The following MCC variants were observed in gnomAD, a reference collection of about 807,000 sequenced individuals.
The protein encoded by MCC is colorectal mutant cancer protein.
A neutral mutation model predicts 116.2 loss-of-function variants in MCC; 90 were observed. The ratio of observed to expected loss-of-function variants is 0.77; its 90% CI spans 0.65 to 0.92. MCC has a LOEUF of 0.92. Ranked by LOEUF, MCC falls within the 40% of genes least tolerant of loss-of-function variation. MCC has a pLI of 0.00. For synonymous variants in MCC, 578 were observed against 510.5 expected (o/e 1.13, Z -1.78); for missense variants, 1,516 against 1,312.2 (o/e 1.16, Z -2.40).
intron 1 of MCC, among the ~76,000 whole-genome samples, chr5:113,447,881 G>A (rs1771268546): frequency 6.6e-6 from 1 of 152,132 alleles, no homozygotes. Flanking sequence ...CAAAGGTCCA[G>A]CTGCCTCATT....
At chr5:113,138,525 C>G (rs948169051) in intron 5 of MCC, among the ~76,000 whole-genome samples, 2 of 152,138 alleles carry the variant, frequency 1.3e-5, no homozygotes, top group Non-Finnish European at 2.9e-5. Context: ...ATCTGCAAGC[C>G]AGGAACAGAG....
chr5:113,415,685 C>T (rs1207241091), intron 1 of MCC, among the ~76,000 whole-genome samples: 1 of 152,100 alleles, frequency 6.6e-6, no homozygotes, highest in African/African-American at 2.4e-5. Flanking sequence ...TTTTTCAAGG[C>T]TTTTAGCTTC....
At chr5:113,374,556 T>C (rs888026923) in intron 2 of MCC, among the ~76,000 whole-genome samples, 27 of 152,324 alleles carry the variant, frequency 1.8e-4, no homozygotes, top group African/African-American at 6.3e-4. Context: ...GCCAGAGATT[T>C]CTTTGAAGTC....
intron 17 of MCC, among the ~76,000 whole-genome samples, chr5:113,031,684 C>T (rs1030814260): frequency 1.3e-5 from 2 of 152,150 alleles, no homozygotes; most frequent in African/African-American, 2.4e-5. Context: ...AATCCCCTCC[C>T]TCCCCCACTC....
chr5:113,043,440 C>G, intron 17 of MCC, 90 bp downstream of exon 17: 1 of 1,191,744 alleles, frequency 8.4e-7, no homozygotes, highest in South Asian at 1.3e-5. Context: ...CACATCAGCA[C>G]CTTCTCCTTT....
In MCC at chr5:113,090,034, A is replaced by G. The variant is rs115522027; in HGVS notation, c.1399-4724T>C. Among the ~76,000 whole-genome samples the G allele has an allele frequency of 4.6e-3, 705 of 152,326 alleles. 5 individuals carry two copies. The highest frequency in any genetic ancestry group is 0.016 in the African/African-American group (670 of 41,562). On this transcript the variant is annotated intron_variant, in intron 8 of 18. Transcript: ENST00000408903. ...TCAACAATTAGAGATGTAAGTCTGA[A>G]GGAAAGCAATTAGAACTGGATAGAT...
chr5:113,077,072 A>G (rs567466566), intron 11 of MCC, among the ~76,000 whole-genome samples: 3 of 152,292 alleles, frequency 2.0e-5, no homozygotes, highest in South Asian at 4.1e-4. Context: ...GCCATTACAT[A>G]ATGGTAAAGG....
chr5:113,449,452 T>C (rs1024530706), intron 1 of MCC, among the ~76,000 whole-genome samples: 1 of 152,210 alleles, frequency 6.6e-6, no homozygotes, highest in Non-Finnish European at 1.5e-5. Context: ...AAAGGGTGCA[T>C]TCATTCACTC....
rs1752320270 is a variant in MCC, at chr5:113,049,167, C to G, written c.2581G>C (p.Val861Leu). The G allele has an allele frequency of 6.2e-7, 1 of 1,614,210 alleles. No homozygotes were observed. The highest frequency in any genetic ancestry group is 2.2e-5 in the East Asian group (1 of 44,884). The change falls in exon 16 of 19, where the codon GTG becomes CTG. Residue 861 changes from valine to leucine, a missense_variant. Transcript: ENST00000408903. ...ATCCGCTGCTCCTTCTGCTCCTCCA[C>G]CTCGGACTTCAGGTGCTCAATGTGC... is the stretch of plus-strand genomic sequence containing the variant. The part of the protein sequence containing the change: ...LVHIEHLKSE[V>L]EEQKEQRMRS...
chr5:113,280,944 T>A (rs1766025029), intron 3 of MCC, among the ~76,000 whole-genome samples: 1 of 152,120 alleles, frequency 6.6e-6, no homozygotes, highest in Non-Finnish European at 1.5e-5. Context: ...GCCTAGGGCT[T>A]AGGTTTAGGG....
At position 113,064,017 on chromosome 5, in the gene MCC, G is replaced by A. The variant is rs748327549; in HGVS notation, c.2180C>T (p.Pro727Leu). The A allele has an allele frequency of 1.2e-6, 2 of 1,613,782 alleles. No individual in the cohort carries two copies. Among genetic ancestry groups the A allele is most frequent in the East Asian group, 2.2e-5 (1 of 44,880 alleles). Residue 727 changes from proline to leucine, a missense_variant, in exon 14 of 19, where the codon CCC becomes CTC. Physicochemically the swap from Pro to Leu is moderately conservative, Grantham distance 98 (BLOSUM62 -3). Transcript: ENST00000408903. Reference protein sequence around the residue: ...AFAVAGCSVQPWESLSSNSHT... With the variant: ...AFAVAGCSVQLWESLSSNSHT... ...GCTGTTGGAGGAAAGGCTCTCCCAG[G>A]GCTGCACGCTGCAGCCGGCCACGGC...
At chr5:113,133,098 G>A (rs1352924495) in intron 5 of MCC, among the ~76,000 whole-genome samples, 1 of 152,064 alleles carries the variant, frequency 6.6e-6, no homozygotes, top group Non-Finnish European at 1.5e-5. Flanking sequence ...AATCAAGTCA[G>A]GATAACTGGG....
intron 1 of MCC, among the ~76,000 whole-genome samples, chr5:113,470,686 CT>C (rs1212783387): frequency 6.6e-6 from 1 of 151,736 alleles, no homozygotes; most frequent in African/African-American, 2.4e-5. Flanking sequence ...CGAGGAGTAT[CT>C]TTGTGGCATT....
rs200090313 is a variant in MCC at position 113,434,095 on chromosome 5, T to C, written c.171-48883A>G. The C allele has an allele frequency of 6.2e-6, 10 of 1,614,166 alleles. No individual in the cohort carries two copies. In the East Asian group the frequency reaches 2.0e-4, roughly 32 times the overall value. Reference sequence around the variant, plus strand: ...ACGTCGGGCTGCAGCATGTGGTAGATGAGGTCCTTGCACTCGCCTGTCAGG... The same window carrying C: ...ACGTCGGGCTGCAGCATGTGGTAGACGAGGTCCTTGCACTCGCCTGTCAGG... On this transcript the variant is annotated intron_variant, in intron 1 of 18. Coordinates refer to ENST00000408903, the MANE Select transcript of MCC (RefSeq NM_001085377.2). The surrounding 1 kb of genome is among the most constrained non-coding windows in gnomAD (Gnocchi z 4.2).
chr5:113,378,321 C>T (rs1439977347), intron 2 of MCC, among the ~76,000 whole-genome samples: 1 of 152,144 alleles, frequency 6.6e-6, no homozygotes, highest in East Asian at 1.9e-4. Context: ...AACTTCAGTA[C>T]TTTATTTTTT....
intron 8 of MCC, among the ~76,000 whole-genome samples, chr5:113,088,010 G>A (rs1051145228): frequency 2.0e-5 from 3 of 152,128 alleles, no homozygotes; most frequent in African/African-American, 7.2e-5. Context: ...TCCTTGCTGT[G>A]TATGTGCACA....
chr5:113,411,751 G>A (rs1272295396), intron 1 of MCC, among the ~76,000 whole-genome samples: 1 of 152,136 alleles, frequency 6.6e-6, no homozygotes, highest in Non-Finnish European at 1.5e-5. Context: ...AGTTTCTTTT[G>A]CTGTGCAGAA....
intron 5 of MCC, among the ~76,000 whole-genome samples, chr5:113,124,231 C>T (rs1757905177): frequency 1.3e-5 from 2 of 152,166 alleles, no homozygotes; most frequent in South Asian, 4.1e-4. Flanking sequence ...AATTATTAGA[C>T]ATCTGCAAAA....
At chr5:113,132,366 G>A (rs1758483230) in intron 5 of MCC, among the ~76,000 whole-genome samples, 1 of 130,474 alleles carries the variant, frequency 7.7e-6, no homozygotes, top group African/African-American at 3.0e-5. Flanking sequence ...ATATGTGTGT[G>A]TGTGTGTATA....
Sources: allele counts gnomAD v4.1 joint callset (sites outside exome capture counted in the v4.1 genomes callset), GRCh38; gene constraint gnomAD v4.1.1; non-coding constraint Gnocchi (gnomAD v3.1); transcripts MANE v1.5; gene names NCBI Gene and HGNC (gene_info 2026-07-23, HGNC 2026-07-21).